Variants in FREM2 observed in about 807,000 individuals in gnomAD.
The protein encoded by FREM2 is FRAS1 related extracellular matrix 2, also known as FRAS1-related extracellular matrix protein 2.
A neutral mutation model predicts 219.9 loss-of-function variants in FREM2; 119 were observed. The ratio of observed to expected loss-of-function variants is 0.54; its 90% CI spans 0.47 to 0.63. FREM2 has a LOEUF of 0.63. Ranked by LOEUF, FREM2 falls within the 30% of genes least tolerant of loss-of-function variation. FREM2 has a pLI of 0.00. For missense variants in FREM2, 4,030 were observed against 3,993.6 expected, an observed-to-expected ratio of 1.01 and a Z score of -0.25; for synonymous variants, 1,562 against 1,522.8, an observed-to-expected ratio of 1.03 and a Z score of -0.60.
Position 38,886,689 on chromosome 13 carries a change from C to G in FREM2, c.*5902C>G, listed in dbSNP as rs977589393. The G allele has an allele frequency of 2.6e-5, 4 of 152,170 alleles. No homozygotes were observed. The East Asian group carries it at 5.8e-4, about 22-fold the overall frequency. The allele number at this position is 152,170 out of a possible 1,614,324, so 9.4% of individuals were successfully genotyped here. A position where few individuals can be genotyped will look rare whatever the true frequency, so the allele number is the denominator to read the frequency against. ...CTGGAATTACAATGGCGTGAGCCAC[C>G]ACAAGATATTTTTAAAGCCCATTTG... On this transcript the variant is annotated 3_prime_UTR_variant, in exon 24 of 24. Transcript: ENST00000280481.
Position 38,752,373 on chromosome 13 carries a change from G to C in FREM2, c.5264-11931G>C, listed in dbSNP as rs140325202. ...TTGATTTTGCCGCTGAAAACAAATA[G>C]AGCTAAGAACATGTTCCTGATTTAG... On this transcript the variant is annotated intron_variant, in intron 2 of 23. Transcript: ENST00000280481. 2.0e-3 allele frequency among the ~76,000 whole-genome samples: 312 copies of C among 152,224 alleles called. 1 individual carries two copies. The highest frequency in any genetic ancestry group is 7.2e-3 in the African/African-American group (299 of 41,544).
rs541191507 is a variant in FREM2 at position 38,886,664 on chromosome 13, C to T, written c.*5877C>T. 6.6e-6 allele frequency: 1 copy of T among 152,316 alleles called. No homozygotes were observed. Among genetic ancestry groups the T allele is most frequent in the Non-Finnish European group, 1.5e-5 (1 of 68,030 alleles). 9.4% of individuals were successfully genotyped at this position (152,316 alleles called of 1,614,324 possible). ...CCTCCCGCCTCCACCTCCCAAAGTA[C>T]TGGAATTACAATGGCGTGAGCCACC... On this transcript the variant is annotated 3_prime_UTR_variant, in exon 24 of 24. Coordinates refer to ENST00000280481, the MANE Select transcript of FREM2 (RefSeq NM_207361.6).
intron 2 of FREM2, among the ~76,000 whole-genome samples, chr13:38,731,085 T>A (rs1263517147): frequency 2.0e-5 from 3 of 152,336 alleles, no homozygotes; most frequent in African/African-American, 7.2e-5. Context: ...TCTGCCTTTT[T>A]AAAATAACAG....
chr13:38,689,944 C>T lies in FREM2; in HGVS notation c.2600C>T (p.Thr867Ile), dbSNP rs61995710. The T allele has an allele frequency of 9.4e-4, 1,523 of 1,614,170 alleles. 15 individuals are homozygous for T. The African/African-American group carries it at 0.018, about 19-fold the overall frequency. The stretch of plus-strand genomic sequence containing the variant: ...ACTGATGTTGCCCATATCTCTTTCA[C>T]TCTCACTCAGGCACCCAAACATGGC... ...VDTDVAHISF[T>I]LTQAPKHGHM... Residue 867 changes from threonine to isoleucine, a missense_variant, in exon 1 of 24, where the codon ACT (threonine) becomes ATT (isoleucine). Thr to Ile is a moderately conservative substitution (Grantham distance 89, BLOSUM62 -1). Coordinates refer to ENST00000280481, the MANE Select transcript of FREM2 (RefSeq NM_207361.6).
intron 12 of FREM2, 34 bp downstream of exon 12, chr13:38,856,290 T>C (rs199831025): frequency 7.5e-6 from 12 of 1,599,484 alleles, no homozygotes; most frequent in Non-Finnish European, 8.6e-6. Flanking sequence ...AATTCATGGC[T>C]AGCAGTTTGT....
intron 6 of FREM2, among the ~76,000 whole-genome samples, chr13:38,795,196 A>G (rs1482329810): frequency 6.6e-6 from 1 of 152,110 alleles, no homozygotes; most frequent in African/African-American, 2.4e-5. Context: ...ATAGGTCAAC[A>G]TTGGTCAAGA....
At chr13:38,736,262 G>C (rs1871988965) in intron 2 of FREM2, among the ~76,000 whole-genome samples, 1 of 152,124 alleles carries the variant, frequency 6.6e-6, no homozygotes, top group Non-Finnish European at 1.5e-5. Flanking sequence ...TGTGTTTTCT[G>C]GCCTTAGGGA....
rs750417437 is a variant in FREM2 at position 38,851,780 on chromosome 13, A to G, written c.6837A>G (p.Gln2279=). 10 of 1,613,802 alleles carry G rather than the reference A, an allele frequency of 6.2e-6. No individual in the cohort carries two copies. The African/African-American group carries it at 1.1e-4, about 17-fold the overall frequency. ...TTATAAGAATTCCAGTGATTCGCCA[A>G]GGAGACACTTCAAAGGTTTCCATTG... The part of the protein sequence containing the change: ...SVVIRIPVIR[Q]GDTSKVSIVR... Residue 2279 remains glutamine, a synonymous_variant, in exon 11 of 24, where the codon CAA becomes CAG. Coordinates refer to ENST00000280481, the MANE Select transcript of FREM2 (RefSeq NM_207361.6).
chr13:38,707,686 G>T (rs189406469), intron 2 of FREM2, among the ~76,000 whole-genome samples: 1 of 152,188 alleles, frequency 6.6e-6, no homozygotes, highest in Non-Finnish European at 1.5e-5. Context: ...TAGTTCAAGA[G>T]TGCCACTTCA....
chr13:38,803,748 C>T (rs1182256140), intron 6 of FREM2, among the ~76,000 whole-genome samples: 1 of 149,034 alleles, frequency 6.7e-6, no homozygotes, highest in Non-Finnish European at 1.5e-5. Flanking sequence ...AATTACCATA[C>T]TAGATATAAG....
rs376774184 is a variant in FREM2 at position 38,815,122 on chromosome 13, G to A, written c.6019+30314G>A. ...GGTGGTGCTTTTCTGTGTACACATG[G>A]TTGCTAAAATTTGGTGTTCCTAGGT... On this transcript the variant is annotated intron_variant, in intron 6 of 23. Coordinates refer to ENST00000280481, the MANE Select transcript of FREM2 (RefSeq NM_207361.6). Among the ~76,000 whole-genome samples the A allele has an allele frequency of 6.0e-3, 908 of 152,262 alleles. 6 individuals carry two copies. Among genetic ancestry groups the A allele is most frequent in the Non-Finnish European group, 0.01 (695 of 68,008 alleles).
At chr13:38,716,156 G>A (rs1593361661) in intron 2 of FREM2, among the ~76,000 whole-genome samples, 1 of 152,206 alleles carries the variant, frequency 6.6e-6, no homozygotes, top group Non-Finnish European at 1.5e-5. Flanking sequence ...CTAGAAGAGA[G>A]CTTTCTGCAT....
At chr13:38,842,453 G>C (rs1423084900) in intron 6 of FREM2, among the ~76,000 whole-genome samples, 1 of 152,170 alleles carries the variant, frequency 6.6e-6, no homozygotes, top group African/African-American at 2.4e-5. Context: ...TTCCGTTATG[G>C]AGAAGTTCAC....
intron 2 of FREM2, among the ~76,000 whole-genome samples, chr13:38,710,665 G>A (rs1185693675): frequency 6.6e-6 from 1 of 152,178 alleles, no homozygotes; most frequent in African/African-American, 2.4e-5. Context: ...TCACCACACG[G>A]CACTTAGTAG....
intron 6 of FREM2, among the ~76,000 whole-genome samples, chr13:38,789,797 G>C (rs1874486357): frequency 6.7e-6 from 1 of 149,290 alleles, no homozygotes; most frequent in Non-Finnish European, 1.5e-5. Context: ...TCTTCATATA[G>C]TTTCTTTTTT....
intron 3 of FREM2, among the ~76,000 whole-genome samples, chr13:38,766,397 A>G (rs1873437017): frequency 6.6e-6 from 1 of 152,160 alleles, no homozygotes; most frequent in Non-Finnish European, 1.5e-5. Context: ...GGTGATAGAA[A>G]ATTGGGAAGC....
chr13:38,769,279 A>G (rs1278141074), intron 3 of FREM2, among the ~76,000 whole-genome samples: 1 of 152,220 alleles, frequency 6.6e-6, no homozygotes, highest in Admixed American at 6.5e-5. Flanking sequence ...AGGATATTGA[A>G]CAATGTGAAT....
rs536293709 is a variant in FREM2 at position 38,883,017 on chromosome 13, A to C, written c.*2230A>C. On this transcript the variant is annotated 3_prime_UTR_variant, in exon 24 of 24. Coordinates refer to ENST00000280481, the MANE Select transcript of FREM2 (RefSeq NM_207361.6). The stretch of plus-strand genomic sequence containing the variant: ...TCACTCTACAATGCATATTCTAATG[A>C]AGCTACTTTATATAAATTGGAGAGC... 3.9e-5 allele frequency: 6 copies of C among 152,280 alleles called. No homozygotes were observed. Among genetic ancestry groups the C allele is most frequent in the Admixed American group, 3.9e-4 (6 of 15,282 alleles). The allele number at this position is 152,280 out of a possible 1,614,324, so 9.4% of individuals were successfully genotyped here. A position where few individuals can be genotyped will look rare whatever the true frequency, so the allele number is the denominator to read the frequency against.
chr13:38,809,520 G>A (rs1470352053), intron 6 of FREM2, among the ~76,000 whole-genome samples: 2 of 151,844 alleles, frequency 1.3e-5, no homozygotes, highest in East Asian at 3.9e-4. Flanking sequence ...GAGAGATAGG[G>A]ATTAAGTTTC....
Sources: gnomAD v4.1 joint callset for allele counts (sites outside exome capture counted in the v4.1 genomes callset) on GRCh38, gnomAD v4.1.1 for gene constraint, MANE v1.5 for transcripts, NCBI Gene and HGNC (gene_info 2026-07-23, HGNC 2026-07-21) for gene names.